The following RASGEF1C variants were observed in gnomAD, a reference collection of about 807,000 sequenced individuals.
RASGEF1C encodes ras-GEF domain-containing family member 1C.
RASGEF1C carries 27 observed loss-of-function variants against 58.1 expected under a neutral mutation model. The ratio of observed to expected loss-of-function variants is 0.46; its 90% CI spans 0.34 to 0.64. The LOEUF (loss-of-function observed/expected upper bound fraction) is 0.64. RASGEF1C is among the 30% of genes least tolerant of loss of function. The pLI, the probability that RASGEF1C is intolerant of heterozygous loss-of-function variation, is 0.01. For synonymous variants in RASGEF1C, 243 were observed against 246.3 expected (o/e 0.99, Z 0.13); for missense variants, 502 against 605.1 (o/e 0.83, Z 1.79).
rs187213575 is a variant in RASGEF1C, at chr5:180,202,590, A to T, written c.-7+6438T>A. On this transcript the variant is annotated intron_variant, in intron 1 of 13. Transcript: ENST00000361132. The stretch of plus-strand genomic sequence containing the variant: ...CAATACAACCCATAACAACATTTTT[A>T]AAAATTTAGGGACAGAAAGTAAGAG... Among the ~76,000 whole-genome samples the T allele has an allele frequency of 3.3e-5, 5 of 152,368 alleles. No homozygotes were observed. In the East Asian group the frequency reaches 9.6e-4, roughly 29 times the overall value.
Position 180,198,582 on chromosome 5 carries a change from G to A in RASGEF1C, c.-7+10446C>T, listed in dbSNP as rs1471723071. Among the ~76,000 whole-genome samples the A allele has an allele frequency of 6.6e-6, 1 of 152,202 alleles. No homozygotes were observed. The highest frequency in any genetic ancestry group is 1.5e-5 in the Non-Finnish European group (1 of 68,040). On this transcript the variant is annotated intron_variant, in intron 1 of 13. Transcript: ENST00000361132. This position sits in a 1 kb window ranked among gnomAD's most constrained non-coding sequence, Gnocchi z 4.5. The stretch of plus-strand genomic sequence containing the variant: ...CCTCCTGCATCTTCACATGGGGGAA[G>A]GACAACAGCTCCCTCATACCTCTTT...
rs544263681 is a variant in RASGEF1C, at chr5:180,187,896, G to A, written c.-7+21132C>T. Among the ~76,000 whole-genome samples, 16 of 152,286 alleles carry A rather than the reference G, an allele frequency of 1.1e-4. 1 individual carries two copies. The highest frequency in any genetic ancestry group is 8.5e-4 in the Admixed American group (13 of 15,290). ...AAACGGGAAACCTTGTGTGTTGCTGGTGGGAATGTGAAAGGACAGTTTGAC... is the reference window on the plus strand; with the variant it reads ...AAACGGGAAACCTTGTGTGTTGCTGATGGGAATGTGAAAGGACAGTTTGAC... On this transcript the variant is annotated intron_variant, in intron 1 of 13. Transcript: ENST00000361132.
At chr5:180,138,095 G>A in intron 1 of RASGEF1C, 37 bp from the exon 2 acceptor site, 1 of 1,305,368 alleles carries the variant, frequency 7.7e-7, no homozygotes, top group East Asian at 2.7e-5. Flanking sequence ...CTGAGTGGGG[G>A]CACACCTGAG....
intron 6 of RASGEF1C, 87 bp from the exon 7 acceptor site, chr5:180,121,236 G>A: frequency 3.3e-6 from 3 of 907,608 alleles, no homozygotes; most frequent in East Asian, 5.0e-5. Flanking sequence ...TGATCCTTAC[G>A]ATCTGGGAAA....
chr5:180,176,581 G>T (rs1767228215), intron 1 of RASGEF1C, among the ~76,000 whole-genome samples: 1 of 149,406 alleles, frequency 6.7e-6, no homozygotes, highest in Non-Finnish European at 1.5e-5. Context: ...TTTTGAGATG[G>T]AGTCTTGCTC....
rs907863049 is a variant in RASGEF1C at position 180,168,535 on chromosome 5, C to T, written c.-6-30477G>A. Among the ~76,000 whole-genome samples, 23 of 152,168 alleles carry T rather than the reference C, an allele frequency of 1.5e-4. No homozygotes were observed. The highest frequency in any genetic ancestry group is 4.1e-4 in the African/African-American group (17 of 41,424). On this transcript the variant is annotated intron_variant, in intron 1 of 13. Coordinates refer to ENST00000361132, the MANE Select transcript of RASGEF1C (RefSeq NM_175062.4). This position sits in a 1 kb window ranked among gnomAD's most constrained non-coding sequence, Gnocchi z 6.0. The stretch of plus-strand genomic sequence containing the variant: ...CCAGTTTCCTGGGGCTCTGCATTTC[C>T]GTCGTCGAGCCAGAAAGCTAGGGCT...
intron 1 of RASGEF1C, among the ~76,000 whole-genome samples, chr5:180,163,133 G>A (rs1053654311): frequency 4.0e-5 from 6 of 151,346 alleles, no homozygotes; most frequent in African/African-American, 1.5e-4. Flanking sequence ...TCCCCCTTTG[G>A]ATTTTCTAGG....
rs574921959 is a variant in RASGEF1C at position 180,158,235 on chromosome 5, G to A, written c.-6-20177C>T. On this transcript the variant is annotated intron_variant, in intron 1 of 13. Coordinates refer to ENST00000361132, the MANE Select transcript of RASGEF1C (RefSeq NM_175062.4). The surrounding 1 kb of genome is among the most constrained non-coding windows in gnomAD (Gnocchi z 4.0). ...GGGGCTCAGTTGCCCTCTGGATGTGGTACGAAGCTGTTACACTGAGATCAC... is the reference window on the plus strand; with the variant it reads ...GGGGCTCAGTTGCCCTCTGGATGTGATACGAAGCTGTTACACTGAGATCAC... Among the ~76,000 whole-genome samples, 5 of 152,298 alleles carry A rather than the reference G, an allele frequency of 3.3e-5. No individual in the cohort carries two copies. The South Asian group carries it at 1.0e-3, about 32-fold the overall frequency.
rs1582276456 is a variant in RASGEF1C, at chr5:180,138,216, G to A, written c.-6-158C>T. 7 of 490,164 alleles carry A rather than the reference G, an allele frequency of 1.4e-5. No homozygotes were observed. In the East Asian group the frequency reaches 2.1e-4, roughly 15 times the overall value. The allele number at this position is 490,164 out of a possible 1,614,324, so 30.4% of individuals were successfully genotyped here. On this transcript the variant is annotated intron_variant, in intron 1 of 13. Transcript: ENST00000361132. ...CCAGTGGTCACTTCCTGGGAGTATT[G>A]TCAGGGCCCCTTCCTCACAGCACAG...
intron 1 of RASGEF1C, among the ~76,000 whole-genome samples, chr5:180,152,358 A>G (rs1481307120): frequency 6.6e-6 from 1 of 152,182 alleles, no homozygotes; most frequent in African/African-American, 2.4e-5. Context: ...TGTGGCACAT[A>G]TACACCATGG....
intron 1 of RASGEF1C, among the ~76,000 whole-genome samples, chr5:180,181,310 A>G (rs1258521663): frequency 1.3e-5 from 2 of 152,238 alleles, no homozygotes; most frequent in African/African-American, 4.8e-5. Context: ...GGGTTTATAA[A>G]TATGTGGAAA....
chr5:180,159,415 C>T (rs1244828591), intron 1 of RASGEF1C, among the ~76,000 whole-genome samples: 2 of 152,230 alleles, frequency 1.3e-5, no homozygotes, highest in Non-Finnish European at 2.9e-5. Context: ...GCTGGGATTA[C>T]AGGCATGAGC....
intron 1 of RASGEF1C, among the ~76,000 whole-genome samples, chr5:180,181,987 A>T (rs994503445): frequency 1.3e-5 from 2 of 151,728 alleles, no homozygotes; most frequent in African/African-American, 4.8e-5. Flanking sequence ...GCGGATCACG[A>T]GGTCAGGAGA....
intron 1 of RASGEF1C, among the ~76,000 whole-genome samples, chr5:180,200,798 C>G (rs1346966976): frequency 6.6e-6 from 1 of 152,082 alleles, no homozygotes; most frequent in Non-Finnish European, 1.5e-5. Flanking sequence ...AGGGCGCGCG[C>G]TCCTCTAACT....
At chr5:180,134,559 C>A (rs1355461836) in intron 4 of RASGEF1C, among the ~76,000 whole-genome samples, 1 of 151,758 alleles carries the variant, frequency 6.6e-6, no homozygotes, top group African/African-American at 2.4e-5. Context: ...ACACTCACCT[C>A]TTCTCCAGCC....
intron 1 of RASGEF1C, among the ~76,000 whole-genome samples, chr5:180,169,117 T>C (rs778435916): frequency 1.3e-5 from 2 of 152,180 alleles, no homozygotes; most frequent in African/African-American, 2.4e-5. Context: ...ATTTCATTCA[T>C]TTTAAAAATA....
chr5:180,190,646 T>A (rs1462479677), intron 1 of RASGEF1C, among the ~76,000 whole-genome samples: 2 of 151,294 alleles, frequency 1.3e-5, no homozygotes, highest in Admixed American at 6.6e-5. Context: ...CCAGCCTAGG[T>A]GACAGAGCTA....
intron 1 of RASGEF1C, among the ~76,000 whole-genome samples, chr5:180,170,691 C>G (rs975397180): frequency 6.6e-6 from 1 of 152,210 alleles, no homozygotes; most frequent in African/African-American, 2.4e-5. Context: ...CAGCGGTGCT[C>G]TCCCTTTACC....
chr5:180,123,924 A>G (rs1403234570), intron 6 of RASGEF1C, among the ~76,000 whole-genome samples: 1 of 152,194 alleles, frequency 6.6e-6, no homozygotes, highest in East Asian at 1.9e-4. Context: ...AAATAATTGT[A>G]TGTCTATAAA....
Sources: gnomAD v4.1 joint callset for allele counts (sites outside exome capture counted in the v4.1 genomes callset) on GRCh38, gnomAD v4.1.1 for gene constraint, Gnocchi (gnomAD v3.1) non-coding constraint, MANE v1.5 for transcripts, NCBI Gene and HGNC (gene_info 2026-07-23, HGNC 2026-07-21) for gene names.